Variants in HYCC2 observed in about 807,000 individuals in gnomAD.
HYCC2 encodes hyccin PI4KA lipid kinase complex subunit 2.
At chr2:201,020,011 G>A in the HYCC2 span, among the ~76,000 whole-genome samples, 1 of 152,194 alleles carries the variant, frequency 6.6e-6, no homozygotes, top group Non-Finnish European at 1.5e-5. Context: ...ATGAGTCCAG[G>A]AGTTTGAGGT....
At chr2:200,999,833 G>A in the HYCC2 span, among the ~76,000 whole-genome samples, 3 of 150,054 alleles carry the variant, frequency 2.0e-5, no homozygotes, top group Non-Finnish European at 4.4e-5. Context: ...GGAGGCCGAG[G>A]CGGATCATAC....
chr2:201,002,732 C>A, the HYCC2 span, among the ~76,000 whole-genome samples: 2 of 152,056 alleles, frequency 1.3e-5, no homozygotes, highest in East Asian at 3.9e-4. Flanking sequence ...ACTGTGTTGG[C>A]CAGGCTGGTT....
the HYCC2 span, among the ~76,000 whole-genome samples, chr2:200,990,717 G>A: frequency 1.3e-5 from 2 of 151,176 alleles, no homozygotes; most frequent in African/African-American, 2.4e-5. Context: ...GATTACAGGC[G>A]CCCGCCACCG....
chr2:201,020,854 G>T, the HYCC2 span, among the ~76,000 whole-genome samples: 1 of 152,082 alleles, frequency 6.6e-6, no homozygotes, highest in Admixed American at 6.6e-5. Context: ...TGCAACCTCC[G>T]CCTCCCAAGT....
the HYCC2 span, among the ~76,000 whole-genome samples, chr2:201,051,997 A>G: frequency 1.3e-5 from 2 of 152,164 alleles, no homozygotes; most frequent in Non-Finnish European, 2.9e-5. Context: ...TTCTTGCCTG[A>G]ATTTAAGACA....
chr2:201,042,369 GGCC>G, the HYCC2 span, among the ~76,000 whole-genome samples: 1 of 151,638 alleles, frequency 6.6e-6, no homozygotes, highest in African/African-American at 2.4e-5. Context: ...GCCTCTGCCC[GGCC>G]GCCACCCCAT....
At chr2:200,983,480 C>T in the HYCC2 span, among the ~76,000 whole-genome samples, 1 of 152,118 alleles carries the variant, frequency 6.6e-6, no homozygotes, top group African/African-American at 2.4e-5. Context: ...AATAAGCTAT[C>T]CTTAAAGCAA....
At chr2:201,042,749 G>GC in the HYCC2 span, among the ~76,000 whole-genome samples, 1 of 145,932 alleles carries the variant, frequency 6.9e-6, no homozygotes, top group Admixed American at 6.8e-5. Flanking sequence ...GTGGGGGGCA[G>GC]CCCCCGCCCG....
chr2:201,043,403 A>T, the HYCC2 span, among the ~76,000 whole-genome samples: 1 of 150,348 alleles, frequency 6.7e-6, no homozygotes, highest in African/African-American at 2.4e-5. Flanking sequence ...CTCCTCTCCG[A>T]GAAACACCCA....
At chr2:201,040,025 T>C in the HYCC2 span, among the ~76,000 whole-genome samples, 1 of 152,082 alleles carries the variant, frequency 6.6e-6, no homozygotes, top group Non-Finnish European at 1.5e-5. Context: ...ATACAAACAA[T>C]TAGCCAGGCG....
At chr2:201,038,917 A>G in the HYCC2 span, among the ~76,000 whole-genome samples, 5 of 151,806 alleles carry the variant, frequency 3.3e-5, no homozygotes, top group Non-Finnish European at 5.9e-5. Flanking sequence ...AAAGACTTGC[A>G]AATTGTTGAT....
At chr2:201,064,170 A>T in the HYCC2 span, 1 of 791,068 alleles carries the variant, frequency 1.3e-6, no homozygotes, top group Non-Finnish European at 2.1e-6. Context: ...TGCTACAAAG[A>T]AGACATGTTT....
At chr2:200,978,274 C>T in the HYCC2 span, 1 of 152,072 alleles carries the variant, frequency 6.6e-6, no homozygotes, top group African/African-American at 2.4e-5. Context: ...AATTCTTGCA[C>T]AAGAAATCTG....
chr2:201,014,585 A>G, the HYCC2 span, among the ~76,000 whole-genome samples: 4 of 152,162 alleles, frequency 2.6e-5, no homozygotes, highest in African/African-American at 7.2e-5. Context: ...AAAACACCTA[A>G]TAAGTGGCAG....
chr2:200,988,435 AT>A, the HYCC2 span: 26 of 1,601,312 alleles, frequency 1.6e-5, no homozygotes, highest in Non-Finnish European at 2.1e-5. Context: ...CAATGATAAT[AT>A]AAGTCTATAC....
chr2:201,022,141 G>C, the HYCC2 span: 1 of 1,267,346 alleles, frequency 7.9e-7, no homozygotes, highest in Non-Finnish European at 1.0e-6. Context: ...CTACTTTCCT[G>C]TGTGTTCCTT....
At chr2:201,002,800 A>C in the HYCC2 span, among the ~76,000 whole-genome samples, 2 of 151,960 alleles carry the variant, frequency 1.3e-5, no homozygotes, top group African/African-American at 4.8e-5. Flanking sequence ...TGGGATTACA[A>C]GCGTGAGCCA....
chr2:200,986,724 T>G, the HYCC2 span, among the ~76,000 whole-genome samples: 1 of 152,214 alleles, frequency 6.6e-6, no homozygotes, highest in Non-Finnish European at 1.5e-5. Flanking sequence ...AATTGTAAAA[T>G]GTACTGTGCA....
chr2:201,047,523 A>C, the HYCC2 span, among the ~76,000 whole-genome samples: 2 of 151,386 alleles, frequency 1.3e-5, no homozygotes, highest in Non-Finnish European at 1.5e-5. Context: ...TAAATGCAAT[A>C]TTCTAAGAAA....
Sources: allele counts gnomAD v4.1 joint callset (sites outside exome capture counted in the v4.1 genomes callset), GRCh38; gene constraint gnomAD v4.1.1; transcripts MANE v1.5; gene names NCBI Gene and HGNC (gene_info 2026-07-23, HGNC 2026-07-21).